Variants in SCP2 observed in about 807,000 individuals in gnomAD.
SCP2 encodes the protein sterol carrier protein 2, also known as SCP-2/3-oxoacyl-CoA thiolase.
Under a neutral mutation model 71.4 loss-of-function variants are expected in SCP2, and 48 were observed. The observed-to-expected ratio is 0.67, with a 90% CI of 0.53 to 0.86. SCP2 has a LOEUF of 0.86. Ranked by LOEUF, SCP2 falls within the 40% of genes least tolerant of loss-of-function variation. The pLI is 0.00. For missense variants in SCP2, 560 were observed against 655.6 expected (o/e 0.85, Z 1.59); for synonymous variants, 220 against 218.1 (o/e 1.01, Z -0.08).
At chr1:53,036,904 A>T (rs562391956) in intron 13 of SCP2, among the ~76,000 whole-genome samples, 106 of 152,110 alleles carry the variant, frequency 7.0e-4, no homozygotes, top group African/African-American at 2.3e-3. Context: ...GCATTTTGGG[A>T]GGCTGAGGCA....
intron 15 of SCP2, 107 bp downstream of exon 15, chr1:53,048,044 C>T (rs1332928826): frequency 1.1e-5 from 9 of 787,144 alleles, no homozygotes; most frequent in Admixed American, 1.8e-5. Context: ...ACTCACAAAA[C>T]TCAGTGTTCC....
chr1:53,014,781 A>C, intron 11 of SCP2, 109 bp from the exon 12 acceptor site: 1 of 1,240,924 alleles, frequency 8.1e-7, no homozygotes, highest in Non-Finnish European at 1.2e-6. Context: ...TATTTACACA[A>C]ACGTGGCCTC....
intron 6 of SCP2, among the ~76,000 whole-genome samples, chr1:52,970,516 G>A (rs922368798): frequency 1.3e-5 from 2 of 151,862 alleles, no homozygotes; most frequent in Non-Finnish European, 2.9e-5. Context: ...TGCACCAAAA[G>A]GGACCTTGCC....
intron 14 of SCP2, among the ~76,000 whole-genome samples, chr1:53,043,455 A>G (rs901773171): frequency 1.3e-5 from 2 of 152,230 alleles, no homozygotes; most frequent in Non-Finnish European, 2.9e-5. Context: ...TGCAGTTAAA[A>G]CTGAGCTGTT....
chr1:53,004,159 G>A (rs141256875), intron 11 of SCP2, among the ~76,000 whole-genome samples: 1 of 152,166 alleles, frequency 6.6e-6, no homozygotes, highest in African/African-American at 2.4e-5. Flanking sequence ...CATCCCAGGT[G>A]GGGTGGAGCT....
chr1:52,994,154 C>T, intron 11 of SCP2: 9 of 1,045,136 alleles, frequency 8.6e-6, no homozygotes, highest in Non-Finnish European at 9.2e-6. Flanking sequence ...TTAGATCATA[C>T]TTCAGTGTTG....
chr1:52,951,922 T>C (rs1655355567), intron 4 of SCP2, among the ~76,000 whole-genome samples: 1 of 152,076 alleles, frequency 6.6e-6, no homozygotes, highest in Non-Finnish European at 1.5e-5. Flanking sequence ...TTTCACTATG[T>C]TGGCCAGGCT....
At position 53,035,109 on chromosome 1, in the gene SCP2, G is replaced by GA. The variant is rs199933576; in HGVS notation, c.1339-3795dup. On this transcript the variant is annotated intron_variant, in intron 13 of 15. Coordinates refer to ENST00000371514, the MANE Select transcript of SCP2 (RefSeq NM_002979.5). The stretch of plus-strand genomic sequence containing the variant: ...TGACAGAGTGAGACTCTGTCTCAAA[G>GA]AAAAAAAAAAAAATTAATATGATAC... Among the ~76,000 whole-genome samples, 518 of 130,930 alleles carry GA rather than the reference G, an allele frequency of 4.0e-3. 1 individual carries two copies. Among genetic ancestry groups the GA allele is most frequent in the Non-Finnish European group, 6.5e-3 (380 of 58,294 alleles). 85.9% of individuals were successfully genotyped at this position (130,930 alleles called of 152,430 possible). A position where few individuals can be genotyped will look rare whatever the true frequency, so the allele number is the denominator to read the frequency against.
intron 10 of SCP2, among the ~76,000 whole-genome samples, chr1:52,986,394 C>G (rs1658986879): frequency 6.6e-6 from 1 of 152,156 alleles, no homozygotes; most frequent in Non-Finnish European, 1.5e-5. Flanking sequence ...TCTCTTATGA[C>G]TAGAGCCTCA....
chr1:53,050,568 C>T (rs1162082193), intron 15 of SCP2, 41 bp from the exon 16 acceptor site: 3 of 1,360,416 alleles, frequency 2.2e-6, no homozygotes, highest in Non-Finnish European at 3.2e-6. Context: ...AATCTTAAAA[C>T]AAAAAAACAC....
intron 1 of SCP2, among the ~76,000 whole-genome samples, chr1:52,935,880 G>C (rs1214863118): frequency 6.6e-6 from 1 of 152,132 alleles, no homozygotes; most frequent in Non-Finnish European, 1.5e-5. Flanking sequence ...TGAGGCTGCA[G>C]GGAGCTATGT....
chr1:52,954,267 G>A (rs1356713725), intron 4 of SCP2, among the ~76,000 whole-genome samples: 1 of 150,462 alleles, frequency 6.6e-6, no homozygotes, highest in Non-Finnish European at 1.5e-5. Context: ...TGAGCTGTGA[G>A]CCTGCCACTA....
chr1:52,967,943 C>T (rs559557584), intron 6 of SCP2, among the ~76,000 whole-genome samples: 3 of 152,286 alleles, frequency 2.0e-5, no homozygotes, highest in African/African-American at 7.2e-5. Flanking sequence ...ATCCTGCTTT[C>T]ATCCAGTTTC....
At chr1:52,968,870 T>A (rs939795499) in intron 6 of SCP2, among the ~76,000 whole-genome samples, 1 of 152,106 alleles carries the variant, frequency 6.6e-6, no homozygotes, top group Non-Finnish European at 1.5e-5. Context: ...ACATAAAAAA[T>A]TGATTTACAC....
chr1:52,937,412 T>C (rs1653839400), intron 1 of SCP2, among the ~76,000 whole-genome samples: 1 of 152,224 alleles, frequency 6.6e-6, no homozygotes, highest in South Asian at 2.1e-4. Context: ...AGAACATTGC[T>C]AGCACCTCAG....
chr1:53,040,564 C>G (rs1164466269), intron 14 of SCP2, among the ~76,000 whole-genome samples: 4 of 151,948 alleles, frequency 2.6e-5, no homozygotes, highest in African/African-American at 9.7e-5. Flanking sequence ...ACTAAAAATA[C>G]AAAAAAATTA....
At chr1:52,973,513 G>A (rs925982069) in intron 6 of SCP2, among the ~76,000 whole-genome samples, 13 of 152,118 alleles carry the variant, frequency 8.5e-5, no homozygotes, top group South Asian at 2.1e-4. Flanking sequence ...ATTCAGTCAC[G>A]AAAAGATAAC....
chr1:52,994,976 T>C, intron 11 of SCP2: 1 of 511,466 alleles, frequency 2.0e-6, no homozygotes, highest in Non-Finnish European at 3.9e-6. Flanking sequence ...TTTGGCCAGG[T>C]GCTTAAACCA....
intron 11 of SCP2, among the ~76,000 whole-genome samples, chr1:53,010,358 G>A (rs1018591708): frequency 1.3e-5 from 2 of 152,164 alleles, no homozygotes; most frequent in African/African-American, 2.4e-5. Flanking sequence ...ATTCACAATA[G>A]CAAAGACTTG....
Sources: allele counts gnomAD v4.1 joint callset (sites outside exome capture counted in the v4.1 genomes callset), GRCh38; gene constraint gnomAD v4.1.1; transcripts MANE v1.5; gene names NCBI Gene and HGNC (gene_info 2026-07-23, HGNC 2026-07-21).